RAPGEF2: variants seen among roughly 807,000 people sequenced by gnomAD.
RAPGEF2 encodes Rap guanine nucleotide exchange factor 2.
Under a neutral mutation model 186.7 loss-of-function variants are expected in RAPGEF2, and 54 were observed. That is an observed-to-expected ratio of 0.29 (90% CI 0.23 to 0.36). The LOEUF is 0.36. RAPGEF2 is among the 10% of genes least tolerant of loss of function. The pLI is 1.00. For synonymous variants in RAPGEF2, 712 were observed against 705.9 expected (o/e 1.01, Z -0.14); for missense variants, 1,532 against 2,045.0 (o/e 0.75, Z 4.84).
chr4:159,347,697 T>C lies in RAPGEF2; in HGVS notation c.3712+699T>C, dbSNP rs572606587. On this transcript the variant is annotated intron_variant, in intron 25 of 29. Coordinates refer to ENST00000691494, the MANE Select transcript of RAPGEF2 (RefSeq NM_001394067.2). ...TACTCGGGAGGCCGAGGCAGGAGAA[T>C]GGCGTGAACCCGGGAGGGGGAGCTT... Among the ~76,000 whole-genome samples the C allele has an allele frequency of 9.2e-5, 14 of 152,250 alleles. No homozygotes were observed. In the East Asian group the frequency reaches 2.7e-3, roughly 29 times the overall value.
intron 7 of RAPGEF2, chr4:159,267,110 C>G: frequency 1.7e-6 from 2 of 1,208,278 alleles, no homozygotes; most frequent in South Asian, 2.8e-5. Context: ...GAGAGAAATC[C>G]ACTTACATCA....
At chr4:159,114,666 G>A (rs1187018953) in intron 1 of RAPGEF2, among the ~76,000 whole-genome samples, 2 of 152,148 alleles carry the variant, frequency 1.3e-5, no homozygotes, top group African/African-American at 4.8e-5. Context: ...TTTGTTATAA[G>A]AAAAATTGTA....
chr4:159,244,018 A>C (rs994942499), intron 7 of RAPGEF2, among the ~76,000 whole-genome samples: 1 of 151,958 alleles, frequency 6.6e-6, no homozygotes, highest in Admixed American at 6.6e-5. Context: ...CTCAAGTGCA[A>C]GCTACTTATT....
intron 7 of RAPGEF2, among the ~76,000 whole-genome samples, chr4:159,296,041 C>G (rs1761981442): frequency 6.8e-6 from 1 of 147,178 alleles, no homozygotes; most frequent in African/African-American, 2.7e-5. Flanking sequence ...AGAAGTTTTA[C>G]ATAGATTTAA....
intron 7 of RAPGEF2, among the ~76,000 whole-genome samples, chr4:159,252,835 A>C (rs1755626790): frequency 6.6e-6 from 1 of 152,236 alleles, no homozygotes; most frequent in Non-Finnish European, 1.5e-5. Context: ...GGCTCTAATG[A>C]GCTTTTGTTT....
chr4:159,304,205 G>A (rs1451147915), intron 7 of RAPGEF2, 137 bp from the exon 8 acceptor site: 7 of 773,404 alleles, frequency 9.1e-6, no homozygotes, highest in South Asian at 7.7e-5. Context: ...ACAATATTTA[G>A]TAATTTGTGA....
intron 1 of RAPGEF2, among the ~76,000 whole-genome samples, chr4:159,140,725 G>T (rs899520387): frequency 6.6e-6 from 1 of 151,964 alleles, no homozygotes; most frequent in South Asian, 2.1e-4. Flanking sequence ...ATAGGGCCTG[G>T]GAGGACAGAA....
chr4:159,237,563 C>CTTT (rs1561125358), intron 4 of RAPGEF2, among the ~76,000 whole-genome samples: 4 of 151,920 alleles, frequency 2.6e-5, no homozygotes, highest in Non-Finnish European at 5.9e-5. Context: ...ATTACTATGA[C>CTTT]ATAAAGAGGA....
intron 1 of RAPGEF2, among the ~76,000 whole-genome samples, chr4:159,145,005 C>T (rs575464431): frequency 8.0e-5 from 12 of 150,598 alleles, no homozygotes; most frequent in Admixed American, 4.0e-4. Flanking sequence ...TCTCCCACCT[C>T]AGCCTCCCAA....
At chr4:159,350,385 A>G in intron 26 of RAPGEF2, 96 bp downstream of exon 26, 2 of 1,078,654 alleles carry the variant, frequency 1.9e-6, no homozygotes, top group Non-Finnish European at 2.5e-6. Flanking sequence ...TCCTAACATT[A>G]TAGTCATTTA....
intron 7 of RAPGEF2, among the ~76,000 whole-genome samples, chr4:159,265,683 T>A (rs1169570695): frequency 1.3e-5 from 2 of 152,182 alleles, no homozygotes; most frequent in Non-Finnish European, 2.9e-5. Context: ...TGATCAGGCT[T>A]TAGTTTTTAT....
chr4:159,159,636 G>A (rs993888117), intron 1 of RAPGEF2, among the ~76,000 whole-genome samples: 7 of 152,090 alleles, frequency 4.6e-5, no homozygotes, highest in Admixed American at 1.3e-4. Context: ...TTTCAGAATC[G>A]TCTGACCACT....
At chr4:159,137,553 T>A (rs1741853226) in intron 1 of RAPGEF2, among the ~76,000 whole-genome samples, 1 of 152,116 alleles carries the variant, frequency 6.6e-6, no homozygotes, top group African/African-American at 2.4e-5. Flanking sequence ...GGGAATACAG[T>A]TTAATCCATA....
At chr4:159,262,206 G>T (rs1054830572) in intron 7 of RAPGEF2, among the ~76,000 whole-genome samples, 1 of 152,182 alleles carries the variant, frequency 6.6e-6, no homozygotes, top group African/African-American at 2.4e-5. Flanking sequence ...TAAGTTTTGT[G>T]TGGTTCCCCT....
chr4:159,318,425 C>CA (rs1262400816), intron 9 of RAPGEF2, among the ~76,000 whole-genome samples: 1 of 152,018 alleles, frequency 6.6e-6, no homozygotes, highest in Non-Finnish European at 1.5e-5. Flanking sequence ...TCTTCCCCTG[C>CA]AAAAAAGGGA....
rs1334659119 is a variant in RAPGEF2 at position 159,162,672 on chromosome 4, G to C, written c.70-23970G>C. Among the ~76,000 whole-genome samples, 3 of 152,166 alleles carry C rather than the reference G, an allele frequency of 2.0e-5. No individual in the cohort carries two copies. The East Asian group carries it at 5.8e-4, about 29-fold the overall frequency. ...ACCAGGTAACAAAAAGAAGATTCTA[G>C]ATTATAGCCCTCAGCCACCCTGTGC... On this transcript the variant is annotated intron_variant, in intron 1 of 29. Transcript: ENST00000691494.
chr4:159,212,799 C>T (rs1019292930), intron 4 of RAPGEF2, among the ~76,000 whole-genome samples: 1 of 152,108 alleles, frequency 6.6e-6, no homozygotes, highest in Non-Finnish European at 1.5e-5. Context: ...AAACTAAATC[C>T]ATAAGACTGA....
At chr4:159,222,276 G>T (rs1216760203) in intron 4 of RAPGEF2, among the ~76,000 whole-genome samples, 1 of 152,206 alleles carries the variant, frequency 6.6e-6, no homozygotes, top group African/African-American at 2.4e-5. Flanking sequence ...GGCTTCTGTG[G>T]CCTTTGGAAC....
chr4:159,230,043 A>G (rs1752463155), intron 4 of RAPGEF2, among the ~76,000 whole-genome samples: 3 of 152,196 alleles, frequency 2.0e-5, no homozygotes, highest in Admixed American at 2.0e-4. Context: ...GAATTGTTGA[A>G]AGGCAAGGTG....
Sources: gnomAD v4.1 joint callset for allele counts (sites outside exome capture counted in the v4.1 genomes callset) on GRCh38, gnomAD v4.1.1 for gene constraint, MANE v1.5 for transcripts, NCBI Gene and HGNC (gene_info 2026-07-23, HGNC 2026-07-21) for gene names.